Variants in SSBP3 observed in about 807,000 individuals in gnomAD.
SSBP3 encodes single stranded DNA binding protein 3.
Under a neutral mutation model 69.6 loss-of-function variants are expected in SSBP3, and 5 were observed. That is an observed-to-expected ratio of 0.07 (90% confidence interval 0.04 to 0.15). The LOEUF is 0.15. Ranked by LOEUF, SSBP3 falls within the 10% of genes least tolerant of loss-of-function variation. SSBP3 has a pLI of 1.00. For missense variants in SSBP3, 312 were observed against 534.0 expected (o/e 0.58, Z 4.10); for synonymous variants, 196 against 193.4 (o/e 1.01, Z -0.11).
chr1:54,383,046 G>A (rs1318419251), intron 4 of SSBP3, among the ~76,000 whole-genome samples: 2 of 146,386 alleles, frequency 1.4e-5, no homozygotes, highest in Non-Finnish European at 3.0e-5. Context: ...GAAAGAAAGA[G>A]AAGGAAGGAA....
At chr1:54,306,018 G>A (rs1645894745) in intron 4 of SSBP3, among the ~76,000 whole-genome samples, 1 of 151,342 alleles carries the variant, frequency 6.6e-6, no homozygotes, top group Non-Finnish European at 1.5e-5. Flanking sequence ...ACATTCCTCG[G>A]TAGCCCTTCC....
At chr1:54,398,193 T>C (rs1278768417) in intron 4 of SSBP3, among the ~76,000 whole-genome samples, 1 of 152,184 alleles carries the variant, frequency 6.6e-6, no homozygotes, top group Non-Finnish European at 1.5e-5. Context: ...TTTCCTCATC[T>C]GTAAAATGGG....
At chr1:54,265,647 T>C (rs181016294) in intron 5 of SSBP3, among the ~76,000 whole-genome samples, 71 of 152,312 alleles carry the variant, frequency 4.7e-4, no homozygotes, top group African/African-American at 1.7e-3. Flanking sequence ...GTGGACCATC[T>C]TCCTGGGACG....
At chr1:54,327,216 AAAAG>A (rs1157669626) in intron 4 of SSBP3, among the ~76,000 whole-genome samples, 3 of 98,226 alleles carry the variant, frequency 3.1e-5, no homozygotes, top group East Asian at 5.4e-4. Context: ...AAAGAGAGGG[AAAAG>A]GAAGGAAGGA....
chr1:54,353,899 G>A (rs1035620490), intron 4 of SSBP3, among the ~76,000 whole-genome samples: 1 of 152,234 alleles, frequency 6.6e-6, no homozygotes, highest in African/African-American at 2.4e-5. Flanking sequence ...AGGGACTGCA[G>A]ATGATCAGGT....
At chr1:54,323,151 G>A (rs1051913957) in intron 4 of SSBP3, among the ~76,000 whole-genome samples, 1 of 152,110 alleles carries the variant, frequency 6.6e-6, no homozygotes, top group African/African-American at 2.4e-5. Flanking sequence ...AGAACCAATG[G>A]ACAGCCCTTA....
chr1:54,343,920 G>A (rs1339993131), intron 4 of SSBP3, among the ~76,000 whole-genome samples: 1 of 152,198 alleles, frequency 6.6e-6, no homozygotes, highest in Non-Finnish European at 1.5e-5. Context: ...CACAGGTTCC[G>A]GAATTTTAGA....
At chr1:54,325,909 A>G (rs1646292959) in intron 4 of SSBP3, among the ~76,000 whole-genome samples, 1 of 152,116 alleles carries the variant, frequency 6.6e-6, no homozygotes, top group African/African-American at 2.4e-5. Flanking sequence ...ATCCTGCTTG[A>G]CATCAGGGGA....
At chr1:54,365,644 C>A (rs562846311) in intron 4 of SSBP3, among the ~76,000 whole-genome samples, 1 of 152,114 alleles carries the variant, frequency 6.6e-6, no homozygotes. Flanking sequence ...ATCCTAGGTA[C>A]TCCCTTGTCT....
intron 4 of SSBP3, among the ~76,000 whole-genome samples, chr1:54,371,477 G>A (rs1647132828): frequency 6.6e-6 from 1 of 152,200 alleles, no homozygotes; most frequent in South Asian, 2.1e-4. Flanking sequence ...GCCTGCTGGG[G>A]CCTTCCTCTA....
chr1:54,287,627 G>C lies in SSBP3; in HGVS notation c.277-6100C>G, dbSNP rs141532582. Among the ~76,000 whole-genome samples, 940 of 152,210 alleles carry C rather than the reference G, an allele frequency of 6.2e-3. 7 individuals are homozygous for C. The highest frequency in any genetic ancestry group is 0.027 in the Middle Eastern group (8 of 294). On this transcript the variant is annotated intron_variant, in intron 4 of 17. Coordinates refer to ENST00000610401, the Ensembl canonical transcript of SSBP3. ...TGGTTTCAGCAAGACAGGGGCTTCT[G>C]TGCAAACTATGGAGTAACCCGGGTC...
At chr1:54,240,630 A>G (rs1322760331) in intron 13 of SSBP3, among the ~76,000 whole-genome samples, 1 of 152,050 alleles carries the variant, frequency 6.6e-6, no homozygotes, top group Non-Finnish European at 1.5e-5. Flanking sequence ...CCCACCCTGA[A>G]CAGGGTTCTT....
chr1:54,307,146 G>A (rs778984237), intron 4 of SSBP3, among the ~76,000 whole-genome samples: 3 of 152,028 alleles, frequency 2.0e-5, no homozygotes, highest in East Asian at 3.9e-4. Context: ...TCTGCCTTCC[G>A]GCCCTAGAGC....
At chr1:54,304,869 A>G (rs988253965) in intron 4 of SSBP3, among the ~76,000 whole-genome samples, 1 of 152,082 alleles carries the variant, frequency 6.6e-6, no homozygotes, top group Non-Finnish European at 1.5e-5. Flanking sequence ...AGCTGCTGAG[A>G]AGGCAATCAC....
rs370878967 is a variant in SSBP3, at chr1:54,399,300, G to A, written c.276+2561C>T. On this transcript the variant is annotated intron_variant, in intron 4 of 17. Transcript: ENST00000610401. Reference sequence around the variant, plus strand: ...GGCCTGCAGGGCCAAGCCAGGTGGTGTTAGAAACACCCATTCCAGAGTCAG... The same window carrying A: ...GGCCTGCAGGGCCAAGCCAGGTGGTATTAGAAACACCCATTCCAGAGTCAG... Among the ~76,000 whole-genome samples, 37 of 152,378 alleles carry A rather than the reference G, an allele frequency of 2.4e-4. 1 individual carries two copies. The East Asian group carries it at 4.6e-3, about 19-fold the overall frequency.
chr1:54,344,745 T>G (rs1246684528), intron 4 of SSBP3, among the ~76,000 whole-genome samples: 1 of 152,102 alleles, frequency 6.6e-6, no homozygotes, highest in African/African-American at 2.4e-5. Flanking sequence ...GGTTGGGTGG[T>G]TCACACTTGT....
At chr1:54,401,136 T>C (rs150822122) in intron 4 of SSBP3, among the ~76,000 whole-genome samples, 1 of 152,136 alleles carries the variant, frequency 6.6e-6, no homozygotes, top group South Asian at 2.1e-4. Flanking sequence ...TTGAAACCCA[T>C]GTTTGTTTTT....
intron 4 of SSBP3, among the ~76,000 whole-genome samples, chr1:54,291,251 A>G (rs961008220): frequency 6.6e-6 from 1 of 152,178 alleles, no homozygotes. Context: ...TGAGCATCAA[A>G]TTTAGTGGGG....
At chr1:54,236,064 A>C (rs1046386927) in intron 14 of SSBP3, among the ~76,000 whole-genome samples, 2 of 152,168 alleles carry the variant, frequency 1.3e-5, no homozygotes, top group East Asian at 1.9e-4. Context: ...GGAGCATCAG[A>C]GAGTACTGGC....
Sources: allele counts gnomAD v4.1 joint callset (sites outside exome capture counted in the v4.1 genomes callset), GRCh38; gene constraint gnomAD v4.1.1; transcripts MANE v1.5; gene names NCBI Gene and HGNC (gene_info 2026-07-23, HGNC 2026-07-21).